CAB39: variants seen among roughly 807,000 people sequenced by gnomAD.
The protein encoded by CAB39 is calcium binding protein 39.
A neutral mutation model predicts 40.0 loss-of-function variants in CAB39; 8 were observed. The ratio of observed to expected loss-of-function variants is 0.20; its 90% CI spans 0.12 to 0.36. The LOEUF is 0.36. CAB39 is among the 10% of genes least tolerant of loss of function. The pLI, the probability that CAB39 is intolerant of heterozygous loss-of-function variation, is 1.00. For missense variants in CAB39, 270 were observed against 401.1 expected, an observed-to-expected ratio of 0.67 and a Z score of 2.79; for synonymous variants, 156 against 141.6, an observed-to-expected ratio of 1.10 and a Z score of -0.72.
intron 2 of CAB39, 131 bp from the exon 3 acceptor site, chr2:230,790,741 C>G: frequency 1.3e-6 from 1 of 741,346 alleles, no homozygotes; most frequent in East Asian, 2.5e-5. Context: ...GGAGCTTGCC[C>G]ACTTTGCTTC....
chr2:230,750,697 C>G (rs917196857), intron 1 of CAB39, among the ~76,000 whole-genome samples: 7 of 152,118 alleles, frequency 4.6e-5, no homozygotes, highest in Middle Eastern at 3.2e-3. Flanking sequence ...TGAATCAAGA[C>G]TTTAGATGTA....
At chr2:230,753,087 T>A (rs1179894359) in intron 1 of CAB39, among the ~76,000 whole-genome samples, 1 of 151,642 alleles carries the variant, frequency 6.6e-6, no homozygotes, top group Non-Finnish European at 1.5e-5. Flanking sequence ...TGGAGTAGAG[T>A]CATTGAATTA....
chr2:230,768,502 G>A (rs1033824469), intron 2 of CAB39, among the ~76,000 whole-genome samples: 2 of 152,172 alleles, frequency 1.3e-5, no homozygotes, highest in African/African-American at 2.4e-5. Context: ...GAGCTTGTTG[G>A]CAGGGTTTTG....
chr2:230,801,543 G>A (rs796709024), intron 5 of CAB39, among the ~76,000 whole-genome samples: 13 of 152,234 alleles, frequency 8.5e-5, no homozygotes, highest in African/African-American at 2.9e-4. Flanking sequence ...CTCATCCATA[G>A]CCCTGGAACA....
At chr2:230,753,713 C>T (rs1449396381) in intron 1 of CAB39, among the ~76,000 whole-genome samples, 1 of 144,732 alleles carries the variant, frequency 6.9e-6, no homozygotes, top group Admixed American at 7.1e-5. Flanking sequence ...CACTGCACTC[C>T]ATCCTGAGTG....
At chr2:230,770,436 C>T (rs1695462096) in intron 2 of CAB39, among the ~76,000 whole-genome samples, 1 of 152,156 alleles carries the variant, frequency 6.6e-6, no homozygotes, top group Non-Finnish European at 1.5e-5. Context: ...AACCTGATAG[C>T]CCTATGTAGT....
At chr2:230,734,824 C>T (rs1243756612) in intron 1 of CAB39, among the ~76,000 whole-genome samples, 1 of 152,104 alleles carries the variant, frequency 6.6e-6, no homozygotes, top group East Asian at 1.9e-4. Flanking sequence ...AGTCACTGCA[C>T]TTACATTCTC....
chr2:230,781,009 G>A (rs577971521), intron 2 of CAB39, among the ~76,000 whole-genome samples: 1 of 151,986 alleles, frequency 6.6e-6, no homozygotes, highest in African/African-American at 2.4e-5. Flanking sequence ...TTGAGCCTGG[G>A]AGGTCAAGGC....
At chr2:230,753,170 C>G (rs2124909036) in intron 1 of CAB39, among the ~76,000 whole-genome samples, 1 of 152,272 alleles carries the variant, frequency 6.6e-6, no homozygotes, top group Middle Eastern at 3.4e-3. Context: ...AAGAAAACAA[C>G]TAGCGGAGAG....
rs375915094 is a variant in CAB39, at chr2:230,805,238, C to T, written c.568-5025C>T. ...ACACAGGGCGGGGAACATCAAACAC[C>T]GGGGCCTGTCATGGGGTGGCGGGGT... On this transcript the variant is annotated intron_variant, in intron 5 of 8. Transcript: ENST00000258418. 4.9e-5 allele frequency among the ~76,000 whole-genome samples: 7 copies of T among 143,902 alleles called. No homozygotes were observed. The South Asian group carries it at 1.4e-3, about 29-fold the overall frequency. 94.4% of individuals were successfully genotyped at this position (143,902 alleles called of 152,430 possible).
chr2:230,749,900 T>TGG (rs1488411368), intron 1 of CAB39, among the ~76,000 whole-genome samples: 4 of 152,324 alleles, frequency 2.6e-5, no homozygotes, highest in African/African-American at 9.6e-5. Context: ...CTGGACAACC[T>TGG]AATAGACACT....
intron 5 of CAB39, among the ~76,000 whole-genome samples, chr2:230,808,194 C>G (rs1217423720): frequency 6.6e-6 from 1 of 151,856 alleles, no homozygotes; most frequent in African/African-American, 2.4e-5. Context: ...TCAAGCGATT[C>G]TCCTGCCTCA....
chr2:230,771,956 A>C (rs1220045045), intron 2 of CAB39, among the ~76,000 whole-genome samples: 1 of 152,222 alleles, frequency 6.6e-6, no homozygotes, highest in Non-Finnish European at 1.5e-5. Context: ...CACATAGCCA[A>C]ATGTAAGACC....
intron 1 of CAB39, among the ~76,000 whole-genome samples, chr2:230,749,487 T>C (rs969640134): frequency 2.0e-5 from 3 of 152,334 alleles, no homozygotes; most frequent in South Asian, 4.1e-4. Context: ...TAGAAAAATA[T>C]AAATATCAAT....
chr2:230,734,091 T>C (rs906394413), intron 1 of CAB39, among the ~76,000 whole-genome samples: 4 of 152,218 alleles, frequency 2.6e-5, no homozygotes, highest in Non-Finnish European at 4.4e-5. Context: ...AGGAGAAAGA[T>C]CTGACCCCTG....
chr2:230,755,640 A>G (rs1013595228), intron 1 of CAB39, among the ~76,000 whole-genome samples: 1 of 152,156 alleles, frequency 6.6e-6, no homozygotes, highest in Non-Finnish European at 1.5e-5. Context: ...AAGCACTTTA[A>G]TTAAGCCCCA....
chr2:230,768,359 T>G (rs1463329744), intron 2 of CAB39, among the ~76,000 whole-genome samples: 1 of 152,190 alleles, frequency 6.6e-6, no homozygotes, highest in Non-Finnish European at 1.5e-5. Flanking sequence ...TCAAGAGATA[T>G]TTACTGGTGG....
rs372870258 is a variant in CAB39, at chr2:230,810,205, A to G, written c.568-58A>G. 135 of 753,894 alleles carry G rather than the reference A, an allele frequency of 1.8e-4. 1 individual carries two copies. In the African/African-American group the frequency reaches 1.9e-3, roughly 11 times the overall value. 46.7% of individuals were successfully genotyped at this position (753,894 alleles called of 1,614,324 possible). A position where few individuals can be genotyped will look rare whatever the true frequency, so the allele number is the denominator to read the frequency against. On this transcript the variant is annotated intron_variant, in intron 5 of 8. Transcript: ENST00000258418. ...TAGGTAAAATGGTGTGGAATTTAGGATTCGCTTTTTTGAAAACTTGGAGAA... is the reference window on the plus strand; with the variant it reads ...TAGGTAAAATGGTGTGGAATTTAGGGTTCGCTTTTTTGAAAACTTGGAGAA...
chr2:230,761,597 G>A (rs1253410494), intron 2 of CAB39, among the ~76,000 whole-genome samples: 5 of 152,122 alleles, frequency 3.3e-5, no homozygotes, highest in Admixed American at 1.3e-4. Flanking sequence ...GTGAGTTTGA[G>A]GAGTATACAA....
Sources: allele counts gnomAD v4.1 joint callset (sites outside exome capture counted in the v4.1 genomes callset), GRCh38; gene constraint gnomAD v4.1.1; transcripts MANE v1.5; gene names NCBI Gene and HGNC (gene_info 2026-07-23, HGNC 2026-07-21).